The following RASEF variants were observed in gnomAD, a reference collection of about 807,000 sequenced individuals.
The protein encoded by RASEF is RAS and EF-hand domain containing, also known as ras and EF-hand domain-containing protein.
A neutral mutation model predicts 90.1 loss-of-function variants in RASEF; 68 were observed. The observed-to-expected ratio is 0.75, with a 90% CI of 0.62 to 0.92. The LOEUF is 0.92. RASEF is among the 40% of genes least tolerant of loss of function. The probability of loss-of-function intolerance (pLI) is 0.00; values close to 1 mark genes in which losing one functional copy is unlikely to be tolerated. For missense variants in RASEF, 949 were observed against 937.2 expected (o/e 1.01, Z -0.16); for synonymous variants, 331 against 345.2 (o/e 0.96, Z 0.46).
chr9:83,068,780 A>C, the RASEF span, among the ~76,000 whole-genome samples: 2 of 152,228 alleles, frequency 1.3e-5, no homozygotes, highest in Non-Finnish European at 2.9e-5. Context: ...GTAAACTAAT[A>C]CACAAGTGTA....
At chr9:83,156,214 G>A in the RASEF span, among the ~76,000 whole-genome samples, 4 of 152,100 alleles carry the variant, frequency 2.6e-5, no homozygotes, top group African/African-American at 4.8e-5. Context: ...ATATTGACCT[G>A]CATCTGGAGT....
chr9:83,155,897 A>G, the RASEF span, among the ~76,000 whole-genome samples: 1 of 152,206 alleles, frequency 6.6e-6, no homozygotes, highest in East Asian at 1.9e-4. Context: ...ATTCCAGGAC[A>G]GCAGTTTGGT....
At chr9:83,034,081 A>G (rs1299197550) in intron 1 of RASEF, among the ~76,000 whole-genome samples, 2 of 152,222 alleles carry the variant, frequency 1.3e-5, no homozygotes, top group Admixed American at 6.5e-5. Flanking sequence ...AAATCCAGCT[A>G]TGCTACTAGA....
the RASEF span, among the ~76,000 whole-genome samples, chr9:83,130,223 A>G: frequency 6.6e-6 from 1 of 152,212 alleles, no homozygotes; most frequent in African/African-American, 2.4e-5. Context: ...ATACTTTGTA[A>G]TCTATCCTTG....
At chr9:83,110,624 G>C in the RASEF span, among the ~76,000 whole-genome samples, 1 of 152,096 alleles carries the variant, frequency 6.6e-6, no homozygotes, top group African/African-American at 2.4e-5. Flanking sequence ...AGAAGAGATA[G>C]AGCCAAGGCC....
the RASEF span, among the ~76,000 whole-genome samples, chr9:83,089,927 TA>T: frequency 6.6e-5 from 10 of 150,914 alleles, no homozygotes; most frequent in African/African-American, 2.2e-4. Flanking sequence ...GATAGATAGA[TA>T]GATAGATAGA....
intron 2 of RASEF, among the ~76,000 whole-genome samples, chr9:83,025,246 TAGAG>T: frequency 6.6e-6 from 1 of 151,958 alleles, no homozygotes; most frequent in Non-Finnish European, 1.5e-5. Flanking sequence ...GGCTAGAGAG[TAGAG>T]AGAGTCAAAG....
At chr9:83,104,658 T>C in the RASEF span, among the ~76,000 whole-genome samples, 1 of 152,178 alleles carries the variant, frequency 6.6e-6, no homozygotes, top group African/African-American at 2.4e-5. Flanking sequence ...TGACAAATCC[T>C]GAAAAATCTT....
chr9:83,117,654 A>G, the RASEF span, among the ~76,000 whole-genome samples: 3 of 152,202 alleles, frequency 2.0e-5, no homozygotes, highest in Admixed American at 6.5e-5. Context: ...GTATGTGTAG[A>G]GTGACTTCAT....
At chr9:83,067,193 T>C (rs772416619), upstream of RASEF, among the ~76,000 whole-genome samples, 2 of 152,124 alleles carry the variant, frequency 1.3e-5, no homozygotes, top group African/African-American at 2.4e-5. Flanking sequence ...CGAAATGCCA[T>C]TGAAAATGGA....
intron 1 of RASEF, among the ~76,000 whole-genome samples, chr9:83,034,093 C>G (rs1829696337): frequency 6.6e-6 from 1 of 152,172 alleles, no homozygotes; most frequent in African/African-American, 2.4e-5. Context: ...GCTACTAGAA[C>G]AGAAAAATAT....
chr9:83,164,118 C>A, the RASEF span, among the ~76,000 whole-genome samples: 3 of 150,860 alleles, frequency 2.0e-5, no homozygotes, highest in African/African-American at 7.3e-5. Flanking sequence ...TTCAGTAGAG[C>A]TGCCTTTTAA....
the RASEF span, among the ~76,000 whole-genome samples, chr9:83,180,846 A>C: frequency 2.0e-5 from 3 of 152,060 alleles, no homozygotes; most frequent in Non-Finnish European, 2.9e-5. Flanking sequence ...TAGACATGTA[A>C]GAGGAACACT....
the RASEF span, among the ~76,000 whole-genome samples, chr9:83,126,214 C>A: frequency 0.62 from 94,171 of 151,940 alleles, 31,907 homozygotes; most frequent in African/African-American, 0.91. Context: ...TAGAGTTTTT[C>A]GGAGGTAATT....
At chr9:83,119,343 T>C in the RASEF span, among the ~76,000 whole-genome samples, 6 of 152,120 alleles carry the variant, frequency 3.9e-5, no homozygotes, top group Admixed American at 2.6e-4. Flanking sequence ...TTTAAAAGGC[T>C]GAAACTTTAC....
intron 1 of RASEF, among the ~76,000 whole-genome samples, chr9:83,061,289 T>C (rs111868021): frequency 3.2e-4 from 48 of 152,252 alleles, no homozygotes; most frequent in African/African-American, 1.2e-3. Context: ...CCCCTTACTT[T>C]CCAAGCTGGA....
Position 83,004,539 on chromosome 9 carries a change from G to T in RASEF, c.1161C>A (p.Pro387=), listed in dbSNP as rs1420376795. The change falls in exon 9 of 17, where the codon CCC becomes CCA. Residue 387 remains proline (P), a synonymous_variant. Transcript: ENST00000376447. The stretch of plus-strand genomic sequence containing the variant: ...GTTGAGGGGAATGACCAATGAATTT[G>T]GGACTGCTTCTAGAAATTGTATTCC... The part of the protein sequence containing the change: ...SPGNTISRSS[P]KFIGHSPQPL... The T allele has an allele frequency of 6.9e-6, 11 of 1,603,080 alleles. No homozygotes were observed. The highest frequency in any genetic ancestry group is 8.5e-6 in the Non-Finnish European group (10 of 1,170,152).
chr9:83,185,565 A>T, the RASEF span, among the ~76,000 whole-genome samples: 1 of 151,996 alleles, frequency 6.6e-6, no homozygotes, highest in Non-Finnish European at 1.5e-5. Context: ...TCCTGGAGCA[A>T]CCTCATAGAG....
At position 82,989,222 on chromosome 9, in the gene RASEF, ATGTGTGCG is replaced by A. The variant is rs1431119082; in HGVS notation, c.2117+1161_2117+1168del. On this transcript the variant is annotated intron_variant, in intron 16 of 16. Coordinates refer to ENST00000376447, the MANE Select transcript of RASEF (RefSeq NM_152573.4). ...TGTATATATGTATATGTATGTGTGC[ATGTGTGCG>A]TGTGTGTGTGTGTGTATATCTTTTT... Among the ~76,000 whole-genome samples, 6 of 151,510 alleles carry A rather than the reference ATGTGTGCG, an allele frequency of 4.0e-5. 1 individual carries two copies. The South Asian group carries it at 1.0e-3, about 26-fold the overall frequency.
Sources: gnomAD v4.1 joint callset for allele counts (sites outside exome capture counted in the v4.1 genomes callset) on GRCh38, gnomAD v4.1.1 for gene constraint, MANE v1.5 for transcripts, NCBI Gene and HGNC (gene_info 2026-07-23, HGNC 2026-07-21) for gene names.